The following PLAAT2 variants were observed in gnomAD, a reference collection of about 807,000 sequenced individuals.
PLAAT2 encodes HRAS like suppressor 2.
In PLAAT2, 12 loss-of-function variants were observed where a neutral mutation model predicts 12.8. The ratio of observed to expected loss-of-function variants is 0.94; its 90% CI spans 0.60 to 1.52. The LOEUF (loss-of-function observed/expected upper bound fraction) is 1.52. Ranked by LOEUF, PLAAT2 falls within the 40% of genes most tolerant of loss-of-function variation. The pLI, the probability that PLAAT2 is intolerant of heterozygous loss-of-function variation, is 0.00. For missense variants in PLAAT2, 166 were observed against 208.1 expected, an observed-to-expected ratio of 0.80 and a Z score of 1.24; for synonymous variants, 79 against 86.8, an observed-to-expected ratio of 0.91 and a Z score of 0.50.
At chr11:63,563,705 G>A (rs1486977022), upstream of PLAAT2, among the ~76,000 whole-genome samples, 45 of 123,042 alleles carry the variant, frequency 3.7e-4, no homozygotes, top group Non-Finnish European at 2.8e-4. Flanking sequence ...GCGGCAGGGC[G>A]AGACTCAGTC....
upstream of PLAAT2, among the ~76,000 whole-genome samples, chr11:63,563,989 A>T (rs1245140010): frequency 6.6e-6 from 1 of 152,134 alleles, no homozygotes; most frequent in Non-Finnish European, 1.5e-5. Context: ...CCATGGGGGA[A>T]AATTTCAAAA....
At chr11:63,554,487 G>T (rs1322416247) in intron 3 of PLAAT2, among the ~76,000 whole-genome samples, 1 of 152,042 alleles carries the variant, frequency 6.6e-6, no homozygotes, top group Non-Finnish European at 1.5e-5. Flanking sequence ...AATTAGCCAG[G>T]CATGGTGGCG....
At chr11:63,564,394 G>A (rs1231203835), upstream of PLAAT2, among the ~76,000 whole-genome samples, 2 of 152,008 alleles carry the variant, frequency 1.3e-5, no homozygotes, top group African/African-American at 4.8e-5. Flanking sequence ...GGGCTGGGGG[G>A]AGCTGAGCAT....
intron 3 of PLAAT2, among the ~76,000 whole-genome samples, chr11:63,556,027 A>T (rs998293404): frequency 6.6e-6 from 1 of 152,222 alleles, no homozygotes; most frequent in Admixed American, 6.5e-5. Context: ...GGCTAGGGTC[A>T]TCCTACGGAC....
Position 63,558,560 on chromosome 11 carries a change from G to A in PLAAT2, c.219C>T (p.Asn73=). The A allele has an allele frequency of 1.2e-6, 2 of 1,614,228 alleles. No individual in the cohort carries two copies. The highest frequency in any genetic ancestry group is 1.7e-6 in the Non-Finnish European group (2 of 1,180,040). ...ELLSVVAGGD[N]YRVNNKHDDR... ...CATCGTGCTTGTTATTGACCCTGTA[G>A]TTGTCTCCCCCAGCCACCACAGACA... The change falls in exon 3 of 4, where the codon AAC becomes AAT. Residue 73 remains asparagine (N), a synonymous_variant. Coordinates refer to ENST00000255695, the MANE Select transcript of PLAAT2 (RefSeq NM_017878.2).
chr11:63,564,356 G>C (rs1171359263), upstream of PLAAT2, among the ~76,000 whole-genome samples: 2 of 138,162 alleles, frequency 1.4e-5, no homozygotes, highest in African/African-American at 2.6e-5. Context: ...GTCCGGTCCT[G>C]AGCAAACTGG....
chr11:63,556,804 G>T (rs1244034084), intron 3 of PLAAT2, among the ~76,000 whole-genome samples: 2 of 152,182 alleles, frequency 1.3e-5, no homozygotes, highest in African/African-American at 2.4e-5. Context: ...AGTAAGGGAG[G>T]ATTCAAGAAT....
At chr11:63,562,979 G>C (rs2017531710) in intron 1 of PLAAT2, among the ~76,000 whole-genome samples, 1 of 152,218 alleles carries the variant, frequency 6.6e-6, no homozygotes, top group Non-Finnish European at 1.5e-5. Context: ...GGTAAACCAA[G>C]GGCTGCTCTC....
Position 63,558,545 on chromosome 11 carries a change from G to T in PLAAT2, c.234C>A (p.Asn78Lys), listed in dbSNP as rs756594656. The change falls in exon 3 of 4, where the codon AAC becomes AAA. Residue 78 changes from asparagine (N) to lysine (K), a missense_variant. Physicochemically the swap from Asn to Lys is moderately conservative, Grantham distance 94. Transcript: ENST00000255695. ...GTGGTGTGTATCTGTCATCGTGCTT[G>T]TTATTGACCCTGTAGTTGTCTCCCC... ...VAGGDNYRVN[N>K]KHDDRYTPLP... 6.2e-7 allele frequency: 1 copy of T among 1,614,248 alleles called. No individual in the cohort carries two copies. The highest frequency in any genetic ancestry group is 1.7e-5 in the Admixed American group (1 of 60,030).
At chr11:63,563,220 T>C in intron 1 of PLAAT2, 96 bp downstream of exon 1, 1 of 1,452,918 alleles carries the variant, frequency 6.9e-7, no homozygotes, top group Non-Finnish European at 9.6e-7. Flanking sequence ...GTGCCCTCCA[T>C]GCCAGAGCTG....
chr11:63,560,095 C>T lies in PLAAT2; in HGVS notation c.108G>A (p.Leu36=). ...AGAACCCATCCTTACTTGCCGGAGC[C>T]AGATGGACCACATAGCCATCTCCCA... ...IYVGDGYVVH[L]APASEIAGAG... is the part of the protein sequence containing the mutation. The change falls in exon 2 of 4, where the codon CTG becomes CTA. Residue 36 remains leucine, a synonymous_variant. Transcript: ENST00000255695. The T allele has an allele frequency of 6.2e-7, 1 of 1,608,400 alleles. No homozygotes were observed. Among genetic ancestry groups the T allele is most frequent in the Non-Finnish European group, 8.5e-7 (1 of 1,175,476 alleles).
At chr11:63,553,165 C>T in intron 3 of PLAAT2, 100 bp from the exon 4 acceptor site, 2 of 707,224 alleles carry the variant, frequency 2.8e-6, no homozygotes, top group South Asian at 1.8e-5. Flanking sequence ...CTGGCCCAGT[C>T]CTCTTCATTT....
chr11:63,562,118 T>C (rs1489359405), intron 1 of PLAAT2, among the ~76,000 whole-genome samples: 1 of 152,176 alleles, frequency 6.6e-6, no homozygotes, highest in Non-Finnish European at 1.5e-5. Flanking sequence ...AAGGTAGCCA[T>C]ATATGTATGC....
chr11:63,558,503 G>A lies in PLAAT2; in HGVS notation c.276C>T (p.Ile92=), dbSNP rs148548609. ...CCACCAACTCCTCTGCCCGCTTGACGATTTTGTTGGAAGGCAGTGGTGTGT... is the reference window on the plus strand; with the variant it reads ...CCACCAACTCCTCTGCCCGCTTGACAATTTTGTTGGAAGGCAGTGGTGTGT... ...DRYTPLPSNK[I]VKRAEELVGQ... is the part of the protein sequence containing the mutation. The change falls in exon 3 of 4, where the codon ATC becomes ATT. Residue 92 remains isoleucine (I), a synonymous_variant. Coordinates refer to ENST00000255695, the MANE Select transcript of PLAAT2 (RefSeq NM_017878.2). The A allele has an allele frequency of 1.5e-5, 24 of 1,614,120 alleles. No homozygotes were observed. The highest frequency in any genetic ancestry group is 2.2e-5 in the East Asian group (1 of 44,900).
chr11:63,563,698 G>GTCT (rs2017539275), upstream of PLAAT2, among the ~76,000 whole-genome samples: 1 of 138,276 alleles, frequency 7.2e-6, no homozygotes, highest in Admixed American at 7.8e-5. Flanking sequence ...AGCCTGGGCG[G>GTCT]CAGGGCGAGA....
rs1167798260 is a variant in PLAAT2 at position 63,563,313 on chromosome 11, T to A, written c.9+3A>T. Reference sequence around the variant, plus strand: ...AGCTTTAAAACCGTTTCTGGGGACTTACCAAAGCCATCCTTCCTTCAAGAT... The same window carrying A: ...AGCTTTAAAACCGTTTCTGGGGACTAACCAAAGCCATCCTTCCTTCAAGAT... On this transcript the variant is annotated splice_donor_region_variant and intron_variant, in intron 1 of 3. Transcript: ENST00000255695. 5 of 1,614,046 alleles carry A rather than the reference T, an allele frequency of 3.1e-6. No homozygotes were observed. Among genetic ancestry groups the A allele is most frequent in the Non-Finnish European group, 4.2e-6 (5 of 1,180,028 alleles).
Position 63,558,445 on chromosome 11 carries a change from T to A in PLAAT2, c.334A>T (p.Asn112Tyr), listed in dbSNP as rs1353686699. The stretch of plus-strand genomic sequence containing the variant: ...AGATGGTTCACGAAGTGCTCGCAGT[T>A]GTCACTGGTCAGCGAATAAGGCAAC... The part of the protein sequence containing the change: ...QELPYSLTSD[N>Y]CEHFVNHLRY... The change falls in exon 3 of 4, where the codon AAC becomes TAC. Residue 112 changes from asparagine (N) to tyrosine (Y), a missense_variant. Transcript: ENST00000255695. 4 of 1,614,074 alleles carry A rather than the reference T, an allele frequency of 2.5e-6. No homozygotes were observed. The highest frequency in any genetic ancestry group is 3.4e-6 in the Non-Finnish European group (4 of 1,180,040).
intron 3 of PLAAT2, among the ~76,000 whole-genome samples, chr11:63,557,923 C>T (rs897468367): frequency 6.6e-6 from 1 of 152,174 alleles, no homozygotes; most frequent in South Asian, 2.1e-4. Context: ...AGGCTGGGCT[C>T]GGGTGTGACC....
At chr11:63,557,823 C>T (rs866068904) in intron 3 of PLAAT2, among the ~76,000 whole-genome samples, 72 of 152,282 alleles carry the variant, frequency 4.7e-4, no homozygotes, top group African/African-American at 1.4e-3. Flanking sequence ...TCCTGGCTCA[C>T]GCTGTTCCCT....
Sources: gnomAD v4.1 joint callset for allele counts (sites outside exome capture counted in the v4.1 genomes callset) on GRCh38, gnomAD v4.1.1 for gene constraint, MANE v1.5 for transcripts, NCBI Gene and HGNC (gene_info 2026-07-23, HGNC 2026-07-21) for gene names.